Variants in MTTP observed in about 807,000 individuals in gnomAD.
The protein encoded by MTTP is microsomal triglyceride transfer protein.
A neutral mutation model predicts 90.6 loss-of-function variants in MTTP; 49 were observed. That is an observed-to-expected ratio of 0.54 (90% CI 0.43 to 0.69). The LOEUF (loss-of-function observed/expected upper bound fraction) is 0.69, where lower values mean the gene tolerates loss of function less well. Ranked by LOEUF, MTTP falls within the 30% of genes least tolerant of loss-of-function variation. The pLI, the probability that MTTP is intolerant of heterozygous loss-of-function variation, is 0.00. For synonymous variants in MTTP, 347 were observed against 384.2 expected (o/e 0.90, Z 1.13); for missense variants, 945 against 1,067.5 (o/e 0.89, Z 1.60).
rs1336801056 is a variant in MTTP, at chr4:99,597,166, AG to A, written c.1011del (p.Thr338LeufsTer11). On this transcript the variant is annotated frameshift_variant, in exon 8 of 18. Transcript: ENST00000265517. LOFTEE classifies it high-confidence loss of function. The part of the protein sequence containing the change: ...RNFLAFIQHL[R>X]TAKKEEILQI... ...CTTCCTGGCCTTCATTCAGCACCTC[AG>A]GACTGCGAAGAAAGAAGAGATCCTT... 6.2e-7 allele frequency: 1 copy of A among 1,614,008 alleles called. No homozygotes were observed.
intron 1 of MTTP, among the ~76,000 whole-genome samples, chr4:99,566,161 C>T (rs1463485025): frequency 6.6e-6 from 1 of 151,712 alleles, no homozygotes; most frequent in Non-Finnish European, 1.5e-5. Context: ...TGGTGGCGGG[C>T]GCCTGTAGTC....
In MTTP at chr4:99,583,421, G is replaced by C. The variant is rs1209105754; in HGVS notation, c.297G>C (p.Lys99Asn). ...ATGTGAATCAGCAGAGAGGAGAGAAGAGCATCTTCAAAGGAAAAAGCCCAT... is the reference window on the plus strand; with the variant it reads ...ATGTGAATCAGCAGAGAGGAGAGAACAGCATCTTCAAAGGAAAAAGCCCAT... ...VENVNQQRGE[K>N]SIFKGKSPSK... Residue 99 changes from lysine (K) to asparagine (N), a missense_variant, in exon 3 of 18, where the codon AAG (lysine) becomes AAC (asparagine). Physicochemically the swap from Lys to Asn is moderately conservative, Grantham distance 94. Transcript: ENST00000265517. 2 of 1,613,412 alleles carry C rather than the reference G, an allele frequency of 1.2e-6. No homozygotes were observed. Among genetic ancestry groups the C allele is most frequent in the Admixed American group, 3.3e-5 (2 of 59,962 alleles).
At chr4:99,578,659 G>A (rs571959585) in intron 1 of MTTP, among the ~76,000 whole-genome samples, 1 of 152,276 alleles carries the variant, frequency 6.6e-6, no homozygotes, top group East Asian at 1.9e-4. Context: ...TAACATAATA[G>A]TTTGGAAAGC....
intron 12 of MTTP, among the ~76,000 whole-genome samples, chr4:99,609,785 C>T (rs887279546): frequency 6.6e-6 from 1 of 152,150 alleles, no homozygotes; most frequent in Non-Finnish European, 1.5e-5. Context: ...GAGATAAGAG[C>T]AGGACATTCA....
intron 11 of MTTP, 79 bp downstream of exon 11, chr4:99,607,039 C>A: frequency 1.6e-6 from 2 of 1,252,236 alleles, no homozygotes; most frequent in South Asian, 1.3e-5. Flanking sequence ...ATGCAAATTC[C>A]GCTCAAGTCA....
intron 12 of MTTP, 98 bp downstream of exon 12, chr4:99,609,075 G>C: frequency 8.4e-7 from 1 of 1,188,042 alleles, no homozygotes; most frequent in Non-Finnish European, 1.2e-6. Context: ...TCATTATGCA[G>C]GGTTACGTTG....
chr4:99,600,631 T>C lies in MTTP; in HGVS notation c.1134T>C (p.Phe378=), dbSNP rs939177481. 6.2e-7 allele frequency: 1 copy of C among 1,613,732 alleles called. No homozygotes were observed. Among genetic ancestry groups the C allele is most frequent in the African/African-American group, 1.3e-5 (1 of 74,900 alleles). ...TSDSLEAILD[F]LDFKSDSSII... ...ACTCATTAGAAGCCATTTTGGACTT[T>C]TTGGATTTCAAAAGTGACAGCAGCA... The change falls in exon 9 of 18, where the codon TTT becomes TTC. Residue 378 remains phenylalanine (F), a synonymous_variant. Coordinates refer to ENST00000265517, the MANE Select transcript of MTTP (RefSeq NM_001386140.1).
intron 10 of MTTP, among the ~76,000 whole-genome samples, chr4:99,604,786 GACAACTGTGGTTTTCGAGA>G (rs1725774455): frequency 6.6e-6 from 1 of 151,958 alleles, no homozygotes; most frequent in South Asian, 2.1e-4. Context: ...CTCCCACTGT[GACAACTGTGGTTTTCGAGA>G]ACACCAATAT....
intron 11 of MTTP, among the ~76,000 whole-genome samples, chr4:99,608,520 A>T (rs1185503777): frequency 6.6e-6 from 1 of 152,242 alleles, no homozygotes; most frequent in Non-Finnish European, 1.5e-5. Flanking sequence ...CACTACAGTC[A>T]TGGAAGAAAG....
intron 11 of MTTP, 42 bp downstream of exon 11, chr4:99,607,002 A>T (rs754987331): frequency 5.8e-6 from 9 of 1,549,976 alleles, no homozygotes; most frequent in Non-Finnish European, 7.0e-6. Flanking sequence ...CAGAAGAAAA[A>T]AAAAAAGCAT....
Position 99,591,218 on chromosome 4 carries a change from C to T in MTTP, c.502-17C>T, listed in dbSNP as rs1725409585. The T allele has an allele frequency of 1.3e-6, 2 of 1,547,310 alleles. No homozygotes were observed. The highest frequency in any genetic ancestry group is 1.8e-6 in the Non-Finnish European group (2 of 1,119,672). ...CACAAGGAATCCCAAGCATTATGCC[C>T]TTGCCTTTCTTTTTAGGTAGATATC... On this transcript the variant is annotated splice_polypyrimidine_tract_variant and intron_variant, in intron 4 of 17. Coordinates refer to ENST00000265517, the MANE Select transcript of MTTP (RefSeq NM_001386140.1).
At chr4:99,595,307 T>C (rs1725527843) in intron 7 of MTTP, among the ~76,000 whole-genome samples, 1 of 152,174 alleles carries the variant, frequency 6.6e-6, no homozygotes, top group South Asian at 2.1e-4. Flanking sequence ...TGAAAAAGGA[T>C]ACCAGGATCT....
At chr4:99,617,391 A>C (rs1202489188) in intron 15 of MTTP, among the ~76,000 whole-genome samples, 1 of 152,158 alleles carries the variant, frequency 6.6e-6, no homozygotes, top group Non-Finnish European at 1.5e-5. Context: ...GTTGTAAACC[A>C]AGTCCTTTGC....
chr4:99,569,111 G>A (rs993248404), intron 1 of MTTP, among the ~76,000 whole-genome samples: 1 of 152,152 alleles, frequency 6.6e-6, no homozygotes, highest in African/African-American at 2.4e-5. Flanking sequence ...GGTGATCAAA[G>A]TCAATGTAAA....
intron 10 of MTTP, among the ~76,000 whole-genome samples, chr4:99,604,254 A>C (rs1725762366): frequency 6.6e-6 from 1 of 152,202 alleles, no homozygotes; most frequent in African/African-American, 2.4e-5. Context: ...CATTCTGTGT[A>C]GTTCTATAGC....
chr4:99,623,790 GA>G lies in MTTP; in HGVS notation c.*949del, dbSNP rs1303980847. 1.3e-5 allele frequency: 2 copies of G among 151,856 alleles called. No homozygotes were observed. The highest frequency in any genetic ancestry group is 2.4e-5 in the African/African-American group (1 of 41,344). 9.4% of individuals were successfully genotyped at this position (151,856 alleles called of 1,614,324 possible). On this transcript the variant is annotated 3_prime_UTR_variant, in exon 18 of 18. Coordinates refer to ENST00000265517, the MANE Select transcript of MTTP (RefSeq NM_001386140.1). ...TTGGATTTCCAAAATATGAAATAAG[GA>G]AAAAAATGTTTTTATTTGTATGAAT...
chr4:99,599,220 A>G (rs1002892173), intron 8 of MTTP, among the ~76,000 whole-genome samples: 8 of 152,226 alleles, frequency 5.3e-5, no homozygotes, highest in Non-Finnish European at 8.8e-5. Flanking sequence ...ACTTTTCAGT[A>G]TCTTTAATCA....
chr4:99,594,941 T>C, intron 7 of MTTP, 58 bp downstream of exon 7: 5 of 1,592,418 alleles, frequency 3.1e-6, no homozygotes, highest in Non-Finnish European at 4.3e-6. Context: ...TCATTTTGTC[T>C]CCAGTGAAAG....
intron 15 of MTTP, among the ~76,000 whole-genome samples, chr4:99,614,121 TTTA>T (rs1283430921): frequency 6.6e-6 from 1 of 152,248 alleles, no homozygotes; most frequent in African/African-American, 2.4e-5. Context: ...TAAAGTTTAC[TTTA>T]TTGTTTTAAT....
Sources: allele counts gnomAD v4.1 joint callset (sites outside exome capture counted in the v4.1 genomes callset), GRCh38; gene constraint gnomAD v4.1.1; transcripts MANE v1.5; gene names NCBI Gene and HGNC (gene_info 2026-07-23, HGNC 2026-07-21).